The following ARFIP1 variants were observed in gnomAD, a reference collection of about 807,000 sequenced individuals.
ARFIP1 encodes the protein arfaptin-1.
ARFIP1 carries 24 observed loss-of-function variants against 42.5 expected under a neutral mutation model. The ratio of observed to expected loss-of-function variants is 0.57; its 90% CI spans 0.41 to 0.80. ARFIP1 has a LOEUF of 0.80. ARFIP1 is among the 30% of genes least tolerant of loss of function. The pLI is 0.00. For missense variants in ARFIP1, 354 were observed against 434.0 expected, an observed-to-expected ratio of 0.82 and a Z score of 1.64; for synonymous variants, 141 against 153.7, an observed-to-expected ratio of 0.92 and a Z score of 0.61.
chr4:152,860,798 A>AAT (rs1733829368), intron 2 of ARFIP1, among the ~76,000 whole-genome samples: 1 of 152,208 alleles, frequency 6.6e-6, no homozygotes, highest in African/African-American at 2.4e-5. Context: ...TGGAGATTTA[A>AAT]GATTGAATGG....
rs1561108246 is a variant in ARFIP1, at chr4:152,804,192, A to AATATAAGATGTATTATATATTAT, written c.-10+23972_-10+23973insGATGTATTATATATTATATATAA. 6.7e-4 allele frequency among the ~76,000 whole-genome samples: 77 copies of AATATAAGATGTATTATATATTAT among 115,626 alleles called. 6 individuals are homozygous for AATATAAGATGTATTATATATTAT. Among genetic ancestry groups the AATATAAGATGTATTATATATTAT allele is most frequent in the South Asian group, 9.3e-4 (4 of 4,296 alleles). The allele number at this position is 115,626 out of a possible 152,430, so 75.9% of individuals were successfully genotyped here. On this transcript the variant is annotated intron_variant, in intron 1 of 8. Transcript: ENST00000353617. ...ATAACATGTATTATATATTATATAT[A>AATATAAGATGTATTATATATTAT]ATATAACATGTATTATATATTATAT...
Position 152,882,898 on chromosome 4 carries a change from A to C in ARFIP1, c.791+18A>C, listed in dbSNP as rs750325399. On this transcript the variant is annotated intron_variant, in intron 7 of 8. Coordinates refer to ENST00000353617, the MANE Select transcript of ARFIP1 (RefSeq NM_001025595.3). The stretch of plus-strand genomic sequence containing the variant: ...AGTGCCAGGTAAGGTATACATTTTC[A>C]CTGTGTTGTCTGTTTTACAGATGGC... 6.3e-7 allele frequency: 1 copy of C among 1,594,178 alleles called. No homozygotes were observed. The highest frequency in any genetic ancestry group is 1.1e-5 in the South Asian group (1 of 87,644).
intron 2 of ARFIP1, among the ~76,000 whole-genome samples, chr4:152,837,868 G>T (rs1038794540): frequency 2.0e-5 from 3 of 152,148 alleles, no homozygotes; most frequent in Non-Finnish European, 4.4e-5. Flanking sequence ...GTGTCCAGAA[G>T]GGTTTTTCCA....
At chr4:152,841,807 C>T (rs1183516709) in intron 2 of ARFIP1, among the ~76,000 whole-genome samples, 1 of 152,148 alleles carries the variant, frequency 6.6e-6, no homozygotes, top group Non-Finnish European at 1.5e-5. Context: ...GCTTCTGTCT[C>T]ACAACTGTTA....
At chr4:152,903,650 G>C (rs1179046973) in intron 8 of ARFIP1, among the ~76,000 whole-genome samples, 1 of 152,004 alleles carries the variant, frequency 6.6e-6, no homozygotes, top group East Asian at 1.9e-4. Flanking sequence ...TATGGGTATT[G>C]TATCATTTTG....
At chr4:152,804,663 C>G (rs1196734405) in intron 1 of ARFIP1, among the ~76,000 whole-genome samples, 5 of 150,496 alleles carry the variant, frequency 3.3e-5, no homozygotes, top group African/African-American at 4.9e-5. Flanking sequence ...CCTAATCTTT[C>G]TGTTTTCTTA....
chr4:152,783,858 AAC>A (rs779211600), intron 1 of ARFIP1, among the ~76,000 whole-genome samples: 8 of 152,070 alleles, frequency 5.3e-5, no homozygotes, highest in Admixed American at 2.6e-4. Context: ...TGTGTGTTAG[AAC>A]ACACACACCT....
chr4:152,859,406 A>T (rs1210688081), intron 2 of ARFIP1, among the ~76,000 whole-genome samples: 1 of 152,160 alleles, frequency 6.6e-6, no homozygotes, highest in Non-Finnish European at 1.5e-5. Flanking sequence ...TTTGGATTTT[A>T]TGTACAGTAG....
intron 2 of ARFIP1, among the ~76,000 whole-genome samples, chr4:152,836,945 C>G (rs1007809903): frequency 1.3e-5 from 2 of 151,854 alleles, no homozygotes; most frequent in African/African-American, 4.8e-5. Context: ...ACTCTTCCCC[C>G]CAAACCACTA....
chr4:152,895,938 A>G (rs1737285685), intron 8 of ARFIP1, among the ~76,000 whole-genome samples: 1 of 152,170 alleles, frequency 6.6e-6, no homozygotes, highest in Non-Finnish European at 1.5e-5. Context: ...TAGAGCTTAT[A>G]GTCAAGTAAG....
At chr4:152,800,762 C>G (rs373400828) in intron 1 of ARFIP1, among the ~76,000 whole-genome samples, 16 of 152,026 alleles carry the variant, frequency 1.1e-4, no homozygotes, top group African/African-American at 3.9e-4. Context: ...GAGTACAGAT[C>G]CTGCATCCAA....
intron 2 of ARFIP1, among the ~76,000 whole-genome samples, chr4:152,845,956 TGGTGGATTGG>T (rs538401345): frequency 1.8e-4 from 28 of 152,328 alleles, no homozygotes; most frequent in African/African-American, 6.7e-4. Context: ...TACCCATCAA[TGGTGGATTGG>T]GTAAAGAAAA....
At chr4:152,833,422 C>T (rs62319898) in intron 2 of ARFIP1, among the ~76,000 whole-genome samples, 4,075 of 152,160 alleles carry the variant, frequency 0.027, 99 homozygotes, top group South Asian at 0.11. Context: ...GTGGAAATGT[C>T]AGTTGGTACA....
chr4:152,804,187 TATATA>T (rs1282866731), intron 1 of ARFIP1, among the ~76,000 whole-genome samples: 2 of 115,622 alleles, frequency 1.7e-5, no homozygotes, highest in African/African-American at 3.5e-5. Flanking sequence ...TTATATATTA[TATATA>T]ATATAACATG....
chr4:152,882,505 T>C (rs1036028142), intron 6 of ARFIP1, among the ~76,000 whole-genome samples: 8 of 152,216 alleles, frequency 5.3e-5, no homozygotes, highest in Non-Finnish European at 2.9e-5. Context: ...CTTTTAGGTA[T>C]GTATCTGAGC....
intron 8 of ARFIP1, among the ~76,000 whole-genome samples, chr4:152,898,964 G>T (rs1281545418): frequency 6.6e-6 from 1 of 152,162 alleles, no homozygotes; most frequent in South Asian, 2.1e-4. Flanking sequence ...TGGGCCATTG[G>T]TTTGACTAGT....
chr4:152,794,421 G>A (rs1208004537), intron 1 of ARFIP1, among the ~76,000 whole-genome samples: 1 of 152,008 alleles, frequency 6.6e-6, no homozygotes, highest in Non-Finnish European at 1.5e-5. Context: ...ATGCATTTTT[G>A]GCAAGAATAC....
chr4:152,823,146 C>T (rs375449394), intron 1 of ARFIP1, among the ~76,000 whole-genome samples: 6 of 152,214 alleles, frequency 3.9e-5, no homozygotes, highest in East Asian at 1.9e-4. Context: ...ATAAACTACT[C>T]GCTAGATGAA....
At chr4:152,893,353 TAGAA>T (rs1346442500) in intron 8 of ARFIP1, among the ~76,000 whole-genome samples, 1 of 152,080 alleles carries the variant, frequency 6.6e-6, no homozygotes, top group Non-Finnish European at 1.5e-5. Flanking sequence ...TCTGTTTGCA[TAGAA>T]AGAGGAGGCA....
Sources: gnomAD v4.1 joint callset for allele counts (sites outside exome capture counted in the v4.1 genomes callset) on GRCh38, gnomAD v4.1.1 for gene constraint, MANE v1.5 for transcripts, NCBI Gene and HGNC (gene_info 2026-07-23, HGNC 2026-07-21) for gene names.